The following CPEB3 variants were observed in gnomAD, a reference collection of about 807,000 sequenced individuals.
CPEB3 encodes cytoplasmic polyadenylation element binding protein 3.
Under a neutral mutation model 67.2 loss-of-function variants are expected in CPEB3, and 20 were observed. That is an observed-to-expected ratio of 0.30 (90% CI 0.21 to 0.43). The LOEUF (loss-of-function observed/expected upper bound fraction) is 0.43, where lower values mean the gene tolerates loss of function less well. Among genes scored for constraint, CPEB3 ranks in the 20% least tolerant of loss-of-function variants. The pLI is 1.00. For synonymous variants in CPEB3, 376 were observed against 393.1 expected (o/e 0.96, Z 0.51); for missense variants, 746 against 968.6 (o/e 0.77, Z 3.05).
chr10:92,227,557 T>C (rs1031332321), intron 2 of CPEB3, among the ~76,000 whole-genome samples: 2 of 152,156 alleles, frequency 1.3e-5, no homozygotes, highest in African/African-American at 4.8e-5. Context: ...AGGATTCTAC[T>C]ACTGGTTACA....
rs545280027 is a variant in CPEB3 at position 92,218,938 on chromosome 10, A to G, written c.1005+20408T>C. ...TCAGGTGAACATAGACCTATAGTGC[A>G]TAACTTTTCTATATATCTTTTTATA... On this transcript the variant is annotated intron_variant, in intron 2 of 9. Coordinates refer to ENST00000265997, the MANE Select transcript of CPEB3 (RefSeq NM_014912.5). 8.9e-4 allele frequency among the ~76,000 whole-genome samples: 136 copies of G among 152,256 alleles called. 1 individual carries two copies. Among genetic ancestry groups the G allele is most frequent in the African/African-American group, 2.5e-3 (102 of 41,560 alleles).
At chr10:92,181,608 C>G (rs1848466262) in intron 3 of CPEB3, among the ~76,000 whole-genome samples, 1 of 152,284 alleles carries the variant, frequency 6.6e-6, no homozygotes, top group East Asian at 1.9e-4. Context: ...GAATATAATG[C>G]TAATCTCCAC....
At position 92,239,422 on chromosome 10, in the gene CPEB3, G is replaced by C. The variant is rs943462134; in HGVS notation, c.929C>G (p.Ala310Gly). The stretch of plus-strand genomic sequence containing the variant: ...CATCCAGGACTTGGAAGTGAGAGGG[G>C]CCGCGCGAGGGAACTTGGGCGGCGC... The part of the protein sequence containing the change: ...VIAPPKFPRA[A>G]PLTSKSWMED... Residue 310 changes from alanine (A) to glycine (G), a missense_variant, in exon 2 of 10, where the codon GCC becomes GGC. Ala to Gly is a moderately conservative substitution (Grantham distance 60). This residue lies in a region of CPEB3 where 643 missense variants were observed against 717.5 expected (regional missense o/e 0.90). Coordinates refer to ENST00000265997, the MANE Select transcript of CPEB3 (RefSeq NM_014912.5). This position sits in a 1 kb window ranked among gnomAD's most constrained non-coding sequence, Gnocchi z 6.0. 1.6e-5 allele frequency: 25 copies of C among 1,603,112 alleles called. No individual in the cohort carries two copies. Among genetic ancestry groups the C allele is most frequent in the Non-Finnish European group, 2.0e-5 (24 of 1,174,706 alleles).
intron 1 of CPEB3, among the ~76,000 whole-genome samples, chr10:92,282,812 A>C (rs1842355174): frequency 6.6e-6 from 1 of 152,210 alleles, no homozygotes; most frequent in Non-Finnish European, 1.5e-5. Flanking sequence ...CAACTACTTA[A>C]CCTATATAAG....
intron 2 of CPEB3, among the ~76,000 whole-genome samples, chr10:92,207,081 C>CA (rs1158664893): frequency 6.6e-6 from 1 of 152,118 alleles, no homozygotes; most frequent in Non-Finnish European, 1.5e-5. Context: ...CTTCCAGGCT[C>CA]AAGTGATCCT....
At chr10:92,263,210 G>A (rs1852888669) in intron 1 of CPEB3, among the ~76,000 whole-genome samples, 1 of 152,180 alleles carries the variant, frequency 6.6e-6, no homozygotes, top group Admixed American at 6.5e-5. Context: ...GGAGTAGCTG[G>A]GATTACAGGC....
At chr10:92,081,093 T>C (rs552242691) in intron 9 of CPEB3, among the ~76,000 whole-genome samples, 1 of 152,318 alleles carries the variant, frequency 6.6e-6, no homozygotes, top group South Asian at 2.1e-4. Context: ...TGCAGGATTA[T>C]TTTCATAAGT....
At chr10:92,070,909 A>G (rs560446954) in intron 9 of CPEB3, among the ~76,000 whole-genome samples, 111 of 152,218 alleles carry the variant, frequency 7.3e-4, no homozygotes, top group African/African-American at 2.5e-3. Context: ...TTTGCCTGAA[A>G]TATTTAACTC....
At position 92,160,641 on chromosome 10, in the gene CPEB3, T is replaced by C. The variant is rs547839946; in HGVS notation, c.1223-15556A>G. Reference sequence around the variant, plus strand: ...CTCCCAAACAACAAATTCATTTTTTTCCCCTTATATCTGATTTCTGGCCAG... The same window carrying C: ...CTCCCAAACAACAAATTCATTTTTTCCCCCTTATATCTGATTTCTGGCCAG... On this transcript the variant is annotated intron_variant, in intron 4 of 9. Transcript: ENST00000265997. Among the ~76,000 whole-genome samples, 4 of 152,324 alleles carry C rather than the reference T, an allele frequency of 2.6e-5. No homozygotes were observed. In the South Asian group the frequency reaches 6.2e-4, roughly 24 times the overall value.
intron 3 of CPEB3, among the ~76,000 whole-genome samples, chr10:92,184,554 G>A (rs1343377491): frequency 4.6e-5 from 7 of 152,086 alleles, no homozygotes; most frequent in Non-Finnish European, 8.8e-5. Context: ...GCAGTGAGCC[G>A]AGATCGTGTC....
At chr10:92,074,115 T>A (rs1316401627) in intron 9 of CPEB3, among the ~76,000 whole-genome samples, 1 of 151,074 alleles carries the variant, frequency 6.6e-6, no homozygotes, top group Non-Finnish European at 1.5e-5. Flanking sequence ...ATTAAAAAAA[T>A]GGTTTTTTTT....
rs141311542 is a variant in CPEB3 at position 92,175,414 on chromosome 10, T to G, written c.1222+5549A>C. 1.8e-3 allele frequency among the ~76,000 whole-genome samples: 273 copies of G among 152,184 alleles called. 1 individual carries two copies. The highest frequency in any genetic ancestry group is 6.4e-3 in the African/African-American group (266 of 41,508). On this transcript the variant is annotated intron_variant, in intron 4 of 9. Coordinates refer to ENST00000265997, the MANE Select transcript of CPEB3 (RefSeq NM_014912.5). ...GCTTTGAATATTCGCACATATGTCT[T>G]TGTGTGGACATACGTTTTCATTTTT...
intron 4 of CPEB3, among the ~76,000 whole-genome samples, chr10:92,166,699 T>C (rs1453053497): frequency 2.0e-5 from 3 of 152,224 alleles, no homozygotes; most frequent in African/African-American, 7.2e-5. Flanking sequence ...GTAGATTTAG[T>C]ATAATTCTTA....
intron 9 of CPEB3, among the ~76,000 whole-genome samples, chr10:92,072,159 G>T (rs763380389): frequency 6.6e-6 from 1 of 152,058 alleles, no homozygotes; most frequent in African/African-American, 2.4e-5. Flanking sequence ...AAAAGCCTTC[G>T]ATCCTTTAAA....
intron 2 of CPEB3, among the ~76,000 whole-genome samples, chr10:92,194,089 C>T (rs571212869): frequency 6.6e-6 from 1 of 151,790 alleles, no homozygotes; most frequent in Admixed American, 6.6e-5. Flanking sequence ...AGACACCGCG[C>T]CCGGCCTACC....
At chr10:92,115,962 T>C (rs1845003078) in intron 6 of CPEB3, among the ~76,000 whole-genome samples, 1 of 152,076 alleles carries the variant, frequency 6.6e-6, no homozygotes, top group African/African-American at 2.4e-5. Flanking sequence ...AGCCATTTTC[T>C]CGTCACGATT....
At chr10:92,241,299 C>A (rs1282559114) in intron 1 of CPEB3, among the ~76,000 whole-genome samples, 1 of 131,202 alleles carries the variant, frequency 7.6e-6, no homozygotes, top group Non-Finnish European at 1.5e-5. Context: ...CGCGAGCGAG[C>A]GAGCGCCTGT....
rs557388436 is a variant in CPEB3, at chr10:92,242,195, C to T, written c.-11-1834G>A. Among the ~76,000 whole-genome samples the T allele has an allele frequency of 7.2e-5, 11 of 152,236 alleles. No individual in the cohort carries two copies. In the East Asian group the frequency reaches 1.3e-3, roughly 19 times the overall value. The stretch of plus-strand genomic sequence containing the variant: ...TAGTGGTGGGCTAAAGGAAATGCTT[C>T]GCAGCCACCTTGCTCTCCCTTCTAT... On this transcript the variant is annotated intron_variant, in intron 1 of 9. Coordinates refer to ENST00000265997, the MANE Select transcript of CPEB3 (RefSeq NM_014912.5).
chr10:92,249,873 A>G (rs939933230), intron 1 of CPEB3, among the ~76,000 whole-genome samples: 1 of 150,176 alleles, frequency 6.7e-6, no homozygotes, highest in African/African-American at 2.4e-5. Context: ...ATACAAAAAA[A>G]TAGCTGGGCG....
Sources: gnomAD v4.1 joint callset for allele counts (sites outside exome capture counted in the v4.1 genomes callset) on GRCh38, gnomAD v4.1.1 for gene constraint, gnomAD v4.1.1 regional missense constraint, Gnocchi (gnomAD v3.1) non-coding constraint, MANE v1.5 for transcripts, NCBI Gene and HGNC (gene_info 2026-07-23, HGNC 2026-07-21) for gene names.